FAM135B: variants seen among roughly 807,000 people sequenced by gnomAD.
The protein encoded by FAM135B is family with sequence similarity 135 member B.
A neutral mutation model predicts 127.7 loss-of-function variants in FAM135B; 43 were observed. The observed-to-expected ratio is 0.34, with a 90% CI of 0.26 to 0.43. The LOEUF (loss-of-function observed/expected upper bound fraction) is 0.43. FAM135B is among the 20% of genes least tolerant of loss of function. FAM135B has a pLI of 1.00. For synonymous variants in FAM135B, 670 were observed against 665.1 expected (o/e 1.01, Z -0.11); for missense variants, 1,558 against 1,725.6 (o/e 0.90, Z 1.72).
At chr8:138,371,719 G>A (rs1157335230) in intron 1 of FAM135B, among the ~76,000 whole-genome samples, 5 of 152,100 alleles carry the variant, frequency 3.3e-5, no homozygotes, top group African/African-American at 1.2e-4. Flanking sequence ...ACATGAGCAT[G>A]TACCATACAC....
chr8:138,215,406 T>G (rs1370897208), intron 7 of FAM135B, among the ~76,000 whole-genome samples: 2 of 152,228 alleles, frequency 1.3e-5, no homozygotes, highest in Admixed American at 1.3e-4. Flanking sequence ...CTGATCTGAA[T>G]GTTGGCCATA....
At chr8:138,212,693 A>G (rs1396899243) in intron 7 of FAM135B, among the ~76,000 whole-genome samples, 1 of 152,228 alleles carries the variant, frequency 6.6e-6, no homozygotes, top group Non-Finnish European at 1.5e-5. Context: ...TATAGATGGC[A>G]CTTTCATTTT....
At chr8:138,184,392 G>C (rs1048384954) in intron 9 of FAM135B, among the ~76,000 whole-genome samples, 2 of 152,160 alleles carry the variant, frequency 1.3e-5, no homozygotes, top group African/African-American at 4.8e-5. Context: ...CCCTGTGTTG[G>C]TTTCCATGCT....
chr8:138,387,456 C>G (rs1309181104), intron 1 of FAM135B, among the ~76,000 whole-genome samples: 1 of 152,174 alleles, frequency 6.6e-6, no homozygotes, highest in Non-Finnish European at 1.5e-5. Context: ...CTCCACCCCA[C>G]CTTCCTCTCT....
chr8:138,174,208 C>T (rs1390615634), intron 11 of FAM135B, among the ~76,000 whole-genome samples: 1 of 152,110 alleles, frequency 6.6e-6, no homozygotes, highest in Admixed American at 6.6e-5. Flanking sequence ...CGATTGTGAC[C>T]CATTGTTTGA....
At chr8:138,232,946 C>T (rs1053857209) in intron 7 of FAM135B, among the ~76,000 whole-genome samples, 1 of 152,168 alleles carries the variant, frequency 6.6e-6, no homozygotes, top group African/African-American at 2.4e-5. Flanking sequence ...CAACCTCCCA[C>T]TTTCCTCTTC....
chr8:138,273,959 A>C (rs1330309741), intron 3 of FAM135B, among the ~76,000 whole-genome samples: 1 of 152,088 alleles, frequency 6.6e-6, no homozygotes, highest in Admixed American at 6.5e-5. Flanking sequence ...TGCCAGCCCT[A>C]TCTCTCTCCT....
rs546499588 is a variant in FAM135B, at chr8:138,332,328, C to T, written c.78-21408G>A. On this transcript the variant is annotated intron_variant, in intron 2 of 19. Transcript: ENST00000395297. ...GATGTTGCCACTCTTAGGAGATCAC[C>T]GAGGGCTTTCTCTTGGGGAGGAAAA... is the stretch of plus-strand genomic sequence containing the variant. Among the ~76,000 whole-genome samples, 7 of 152,196 alleles carry T rather than the reference C, an allele frequency of 4.6e-5. No individual in the cohort carries two copies. The East Asian group carries it at 7.8e-4, about 17-fold the overall frequency.
intron 6 of FAM135B, among the ~76,000 whole-genome samples, chr8:138,247,848 G>A (rs1478575661): frequency 2.6e-5 from 4 of 152,124 alleles, no homozygotes; most frequent in Non-Finnish European, 5.9e-5. Context: ...ATTAATTACT[G>A]TATTAAACTA....
chr8:138,333,792 C>T (rs1051221896), intron 2 of FAM135B, among the ~76,000 whole-genome samples: 8 of 152,184 alleles, frequency 5.3e-5, no homozygotes, highest in African/African-American at 1.9e-4. Flanking sequence ...GAGCTCCTTG[C>T]TACGAGAACT....
chr8:138,344,435 T>C (rs1379787594), intron 2 of FAM135B, among the ~76,000 whole-genome samples: 2 of 152,118 alleles, frequency 1.3e-5, no homozygotes, highest in Non-Finnish European at 2.9e-5. Flanking sequence ...ACGACTGCCC[T>C]TCCTTTGGCC....
chr8:138,456,500 C>G (rs1836784980), intron 1 of FAM135B, among the ~76,000 whole-genome samples: 1 of 152,126 alleles, frequency 6.6e-6, no homozygotes, highest in African/African-American at 2.4e-5. Context: ...AATCCATGCT[C>G]CCAGCCTAGG....
chr8:138,186,875 A>C (rs1334095904), intron 9 of FAM135B, among the ~76,000 whole-genome samples: 1 of 152,210 alleles, frequency 6.6e-6, no homozygotes, highest in Non-Finnish European at 1.5e-5. Flanking sequence ...ATAGCACTGC[A>C]ATGGAATACA....
chr8:138,232,250 G>A (rs965272353), intron 7 of FAM135B, among the ~76,000 whole-genome samples: 1 of 152,218 alleles, frequency 6.6e-6, no homozygotes, highest in Admixed American at 6.5e-5. Flanking sequence ...GACATAGTGG[G>A]GGGGAGCCCT....
intron 3 of FAM135B, among the ~76,000 whole-genome samples, chr8:138,297,588 G>A (rs1825565916): frequency 6.6e-6 from 1 of 152,216 alleles, no homozygotes; most frequent in Admixed American, 6.5e-5. Flanking sequence ...GTCAGTCCGT[G>A]GAACACTGTC....
intron 19 of FAM135B, among the ~76,000 whole-genome samples, chr8:138,136,677 A>G (rs73414743): frequency 0.012 from 1,830 of 152,312 alleles, 34 homozygotes; most frequent in African/African-American, 0.041. Context: ...ATTCCTACCT[A>G]TCCTTTAAAA....
At position 138,468,766 on chromosome 8, in the gene FAM135B, C is replaced by T. The variant is rs548585197; in HGVS notation, c.-20+27905G>A. On this transcript the variant is annotated intron_variant, in intron 1 of 19. Coordinates refer to ENST00000395297, the MANE Select transcript of FAM135B (RefSeq NM_015912.4). ...AATATATTAATTGAAAATTGGAGGC[C>T]GGATACGGTGGCTTATGCCTGTAAT... 1.1e-4 allele frequency among the ~76,000 whole-genome samples: 17 copies of T among 152,202 alleles called. No individual in the cohort carries two copies. The East Asian group carries it at 2.3e-3, about 21-fold the overall frequency.
chr8:138,150,513 C>T (rs896291418), intron 13 of FAM135B, among the ~76,000 whole-genome samples: 1 of 151,994 alleles, frequency 6.6e-6, no homozygotes, highest in Non-Finnish European at 1.5e-5. Flanking sequence ...ACTAAAAGTA[C>T]AAAAATTAGC....
intron 8 of FAM135B, 86 bp downstream of exon 8, chr8:138,197,430 A>G: frequency 1.3e-6 from 2 of 1,506,590 alleles, no homozygotes; most frequent in Non-Finnish European, 1.8e-6. Flanking sequence ...TGACATTTAC[A>G]AAAGCATGCC....
Sources: gnomAD v4.1 joint callset for allele counts (sites outside exome capture counted in the v4.1 genomes callset) on GRCh38, gnomAD v4.1.1 for gene constraint, MANE v1.5 for transcripts, NCBI Gene and HGNC (gene_info 2026-07-23, HGNC 2026-07-21) for gene names.